The following NARS1 variants were observed in gnomAD, a reference collection of about 807,000 sequenced individuals.
NARS1 encodes asparagine--tRNA ligase, cytoplasmic.
NARS1 carries 65 observed loss-of-function variants against 79.2 expected under a neutral mutation model. The observed-to-expected ratio is 0.82, with a 90% CI of 0.67 to 1.01. The LOEUF is 1.01. Ranked by LOEUF, NARS1 falls within the 50% of genes least tolerant of loss-of-function variation. The pLI is 0.00. For synonymous variants in NARS1, 229 were observed against 238.8 expected (o/e 0.96, Z 0.38); for missense variants, 649 against 673.8 (o/e 0.96, Z 0.41).
At chr18:57,605,145 A>ATATATC (rs1555683466) in intron 11 of NARS1, among the ~76,000 whole-genome samples, 4 of 140,176 alleles carry the variant, frequency 2.9e-5, no homozygotes, top group Non-Finnish European at 4.6e-5. Flanking sequence ...ATATATATAT[A>ATATATC]TATATATATC....
At chr18:57,621,582 A>G in intron 1 of NARS1, 126 bp downstream of exon 1, 2 of 415,480 alleles carry the variant, frequency 4.8e-6, no homozygotes, top group Non-Finnish European at 9.6e-6. Flanking sequence ...CCCTCCCTGC[A>G]ATCGGTCCCC....
intron 2 of NARS1, among the ~76,000 whole-genome samples, chr18:57,616,768 CGAG>C (rs1908045679): frequency 6.6e-6 from 1 of 151,304 alleles, no homozygotes. Flanking sequence ...TCTGGGGGGC[CGAG>C]GAGGGAGGAT....
rs369177394 is a variant in NARS1 at position 57,607,642 on chromosome 18, A to G, written c.603T>C (p.Ser201=). ...GKQAPGGHEL[S]CDFWELIGLA... ...ACCCAATTAGTTCCCAGAAGTCACAACTCAGCTCATGGCCACCTGGAGCCT... is the reference window on the plus strand; with the variant it reads ...ACCCAATTAGTTCCCAGAAGTCACAGCTCAGCTCATGGCCACCTGGAGCCT... Residue 201 remains serine, a synonymous_variant, in exon 8 of 14, where the codon AGT becomes AGC. Transcript: ENST00000256854. The G allele has an allele frequency of 1.4e-5, 23 of 1,613,488 alleles. No individual in the cohort carries two copies. The highest frequency in any genetic ancestry group is 2.2e-5 in the East Asian group (1 of 44,868).
At position 57,621,711 on chromosome 18, in the gene NARS1, G is replaced by C; in HGVS notation, c.7C>G (p.Leu3Val). The change falls in exon 1 of 14, where the codon CTA becomes GTA. Residue 3 changes from leucine to valine, a missense_variant. Physicochemically the swap from Leu to Val is conservative, Grantham distance 32 (BLOSUM62 1). Coordinates refer to ENST00000256854, the MANE Select transcript of NARS1 (RefSeq NM_004539.4). MV[L>V]AELYVSDREG... ...CCATACACTGAGTCTCACCCACCTA[G>C]CACCATGCCTGCAGTGGCCCTGGTC... 6.2e-7 allele frequency: 1 copy of C among 1,613,568 alleles called. No individual in the cohort carries two copies. Among genetic ancestry groups the C allele is most frequent in the Non-Finnish European group, 8.5e-7 (1 of 1,179,698 alleles).
At chr18:57,620,745 G>T in intron 1 of NARS1, 94 bp from the exon 2 acceptor site, 4 of 662,528 alleles carry the variant, frequency 6.0e-6, no homozygotes, top group South Asian at 4.6e-5. Context: ...AACAGAACAA[G>T]CATCGATTAA....
intron 11 of NARS1, among the ~76,000 whole-genome samples, chr18:57,603,334 C>A (rs1011737833): frequency 2.0e-5 from 3 of 152,124 alleles, no homozygotes; most frequent in Non-Finnish European, 4.4e-5. Context: ...TCCCGTAAGG[C>A]ATACGGTAAT....
chr18:57,616,713 C>G (rs1039329687), intron 2 of NARS1, among the ~76,000 whole-genome samples: 1 of 149,562 alleles, frequency 6.7e-6, no homozygotes, highest in African/African-American at 2.5e-5. Context: ...GTTAAGAACA[C>G]AAAAAGCGGC....
Position 57,601,584 on chromosome 18 carries a change from T to A in NARS1, c.*68A>T. On this transcript the variant is annotated 3_prime_UTR_variant, in exon 14 of 14. Coordinates refer to ENST00000256854, the MANE Select transcript of NARS1 (RefSeq NM_004539.4). Reference sequence around the variant, plus strand: ...GAAACAAAAAAAGGAAGATTCTGGCTTTTTGTTTTCTTTTTTAAAGAGCCT... The same window carrying A: ...GAAACAAAAAAAGGAAGATTCTGGCATTTTGTTTTCTTTTTTAAAGAGCCT... 6.8e-7 allele frequency: 1 copy of A among 1,461,642 alleles called. No individual in the cohort carries two copies. The highest frequency in any genetic ancestry group is 9.2e-7 in the Non-Finnish European group (1 of 1,083,786). 90.5% of individuals were successfully genotyped at this position (1,461,642 alleles called of 1,614,324 possible). A position where few individuals can be genotyped will look rare whatever the true frequency, so the allele number is the denominator to read the frequency against.
intron 9 of NARS1, 131 bp downstream of exon 9, chr18:57,607,003 T>A (rs1052322150): frequency 9.3e-7 from 1 of 1,070,634 alleles, no homozygotes; most frequent in Non-Finnish European, 1.3e-6. Context: ...AACTTTGTTA[T>A]ATGTTCTTCC....
At chr18:57,614,949 G>A (rs2051635635) in intron 4 of NARS1, among the ~76,000 whole-genome samples, 1 of 152,108 alleles carries the variant, frequency 6.6e-6, no homozygotes, top group African/African-American at 2.4e-5. Context: ...GCTGAGGTGG[G>A]AGGATCCCTT....
chr18:57,620,803 T>C, intron 1 of NARS1, 152 bp from the exon 2 acceptor site: 1 of 490,754 alleles, frequency 2.0e-6, no homozygotes, highest in Non-Finnish European at 3.6e-6. Flanking sequence ...ATTTCCCCAC[T>C]CCATTTCAAT....
At chr18:57,608,594 T>C (rs1316384291) in intron 7 of NARS1, among the ~76,000 whole-genome samples, 5 of 152,184 alleles carry the variant, frequency 3.3e-5, no homozygotes, top group Admixed American at 2.0e-4. Context: ...CCCATGAGGA[T>C]GATTCAGGAA....
At chr18:57,616,201 T>G (rs1280826686) in intron 2 of NARS1, among the ~76,000 whole-genome samples, 1 of 151,640 alleles carries the variant, frequency 6.6e-6, no homozygotes, top group Non-Finnish European at 1.5e-5. Context: ...CCGAGGTGGG[T>G]GAGGTCAGGA....
intron 7 of NARS1, among the ~76,000 whole-genome samples, chr18:57,608,437 C>CAAAAAAAAAAAA (rs1175712420): frequency 1.6e-3 from 127 of 77,988 alleles, no homozygotes; most frequent in East Asian, 3.6e-3. Flanking sequence ...AACTCCGTCT[C>CAAAAAAAAAAAA]AAAAAAAAAA....
chr18:57,617,729 A>G (rs1908112889), intron 2 of NARS1, among the ~76,000 whole-genome samples: 1 of 148,256 alleles, frequency 6.7e-6, no homozygotes, highest in Non-Finnish European at 1.5e-5. Flanking sequence ...AGCCTGGCCA[A>G]TATGATGAAA....
At chr18:57,610,617 C>T (rs1348068900) in intron 6 of NARS1, among the ~76,000 whole-genome samples, 1 of 152,066 alleles carries the variant, frequency 6.6e-6, no homozygotes, top group African/African-American at 2.4e-5. Context: ...AATGCAGACA[C>T]TAGAAGAACA....
At chr18:57,613,029 T>C (rs2051617105) in intron 5 of NARS1, among the ~76,000 whole-genome samples, 1 of 152,156 alleles carries the variant, frequency 6.6e-6, no homozygotes, top group South Asian at 2.1e-4. Context: ...TAAAAGAGCA[T>C]TTAAAAATTT....
chr18:57,617,683 G>A (rs1321826437), intron 2 of NARS1, among the ~76,000 whole-genome samples: 1 of 151,848 alleles, frequency 6.6e-6, no homozygotes, highest in Non-Finnish European at 1.5e-5. Flanking sequence ...TTGGGAGGCC[G>A]AGGTGGGCGG....
chr18:57,607,179 T>G lies in NARS1; in HGVS notation c.956A>C (p.Gln319Pro), dbSNP rs1415196584. The G allele has an allele frequency of 2.5e-6, 4 of 1,614,040 alleles. No individual in the cohort carries two copies. In the African/African-American group the frequency reaches 5.3e-5, roughly 22 times the overall value. The change falls in exon 9 of 14, where the codon CAG (glutamine) becomes CCG (proline). Residue 319 changes from glutamine to proline, a missense_variant. Gln to Pro is a moderately conservative substitution (Grantham distance 76). Transcript: ENST00000256854. ...TCTGGACTGCTCTGCCCGGTATGAC[T>G]GAGCAATACAAAAAACATCTCCCAG... ...PALGDVFCIA[Q>P]SYRAEQSRTR...
Sources: allele counts gnomAD v4.1 joint callset (sites outside exome capture counted in the v4.1 genomes callset), GRCh38; gene constraint gnomAD v4.1.1; transcripts MANE v1.5; gene names NCBI Gene and HGNC (gene_info 2026-07-23, HGNC 2026-07-21).